Variants in TBC1D5 observed in about 807,000 individuals in gnomAD.
TBC1D5 encodes TBC1 domain family, member 5.
In TBC1D5, 75 loss-of-function variants were observed where a neutral mutation model predicts 100.3. That is an observed-to-expected ratio of 0.75 (90% CI 0.62 to 0.91). The LOEUF is 0.91. Ranked by LOEUF, TBC1D5 falls within the 40% of genes least tolerant of loss-of-function variation. The pLI is 0.00. For synonymous variants in TBC1D5, 323 were observed against 325.6 expected (o/e 0.99, Z 0.09); for missense variants, 910 against 942.4 (o/e 0.97, Z 0.45).
chr3:17,476,902 G>T (rs756767688), intron 3 of TBC1D5, among the ~76,000 whole-genome samples: 67 of 152,022 alleles, frequency 4.4e-4, no homozygotes, highest in Non-Finnish European at 3.1e-4. Context: ...AAGTGCGACT[G>T]ATTTTGCACA....
intron 4 of TBC1D5, among the ~76,000 whole-genome samples, chr3:17,411,784 C>T (rs370888083): frequency 5.3e-4 from 80 of 152,136 alleles, no homozygotes; most frequent in African/African-American, 1.7e-3. Flanking sequence ...ACCTTGATTA[C>T]GGTGTTGGTA....
chr3:17,708,758 A>G (rs1254337115), intron 1 of TBC1D5, among the ~76,000 whole-genome samples: 1 of 152,246 alleles, frequency 6.6e-6, no homozygotes, highest in Non-Finnish European at 1.5e-5. Flanking sequence ...GATACTGTCC[A>G]ACTGTTCTCC....
intron 15 of TBC1D5, among the ~76,000 whole-genome samples, chr3:17,260,476 A>G (rs534992302): frequency 6.6e-6 from 1 of 152,306 alleles, no homozygotes; most frequent in Non-Finnish European, 1.5e-5. Context: ...TATTGCTTTC[A>G]CTGAGGCCTA....
At chr3:17,308,714 A>AT (rs919516539) in intron 13 of TBC1D5, among the ~76,000 whole-genome samples, 4 of 151,858 alleles carry the variant, frequency 2.6e-5, no homozygotes, top group Non-Finnish European at 5.9e-5. Flanking sequence ...AGTCATACTT[A>AT]TTTTTTTTAG....
intron 3 of TBC1D5, among the ~76,000 whole-genome samples, chr3:17,455,322 A>G (rs569625212): frequency 3.5e-5 from 5 of 143,816 alleles, no homozygotes; most frequent in African/African-American, 5.3e-5. Flanking sequence ...ATATGTGTAT[A>G]TGTGTATATA....
chr3:17,258,637 C>A, intron 15 of TBC1D5, 46 bp from the exon 16 acceptor site: 1 of 1,489,710 alleles, frequency 6.7e-7, no homozygotes, highest in Non-Finnish European at 9.3e-7. Context: ...TGATTTAATC[C>A]ATTAACATAT....
At chr3:17,672,621 G>A (rs958316584) in intron 1 of TBC1D5, 2 of 152,142 alleles carry the variant, frequency 1.3e-5, no homozygotes, top group African/African-American at 4.8e-5. Context: ...GAGGTTGGGA[G>A]GAGTCAGAGG....
intron 1 of TBC1D5, among the ~76,000 whole-genome samples, chr3:17,717,338 C>T (rs2075325973): frequency 6.6e-6 from 1 of 151,512 alleles, no homozygotes; most frequent in Non-Finnish European, 1.5e-5. Flanking sequence ...TACTATCAAA[C>T]TTTCACACAT....
chr3:17,682,747 T>A (rs1027531952), intron 1 of TBC1D5, among the ~76,000 whole-genome samples: 2 of 151,558 alleles, frequency 1.3e-5, no homozygotes, highest in African/African-American at 4.9e-5. Flanking sequence ...ACCTAGTTAT[T>A]AAAATATTTC....
chr3:17,304,230 A>AT (rs2083166089), intron 14 of TBC1D5, among the ~76,000 whole-genome samples: 1 of 151,840 alleles, frequency 6.6e-6, no homozygotes, highest in African/African-American at 2.4e-5. Flanking sequence ...CTCAAAAAAT[A>AT]TTTTTCTGGA....
intron 1 of TBC1D5, among the ~76,000 whole-genome samples, chr3:17,676,589 T>C (rs1039323836): frequency 2.6e-5 from 4 of 152,166 alleles, no homozygotes; most frequent in African/African-American, 4.8e-5. Context: ...AGGTAATTTA[T>C]AGATTCAATG....
At chr3:17,678,666 T>TAAAAAAAAAAAAAAAAAAAAAAAGAAAA (rs150614567) in intron 1 of TBC1D5, among the ~76,000 whole-genome samples, 1 of 109,100 alleles carries the variant, frequency 9.2e-6, no homozygotes, top group African/African-American at 4.2e-5. Flanking sequence ...AAAAGAGGGA[T>TAAAAAAAAAAAAAAAAAAAAAAAGAAAA]AAAAAAAAAA....
chr3:17,596,700 C>CAAAAAAAAAAAAA (rs34625799), intron 2 of TBC1D5, among the ~76,000 whole-genome samples: 17 of 44,926 alleles, frequency 3.8e-4, no homozygotes, highest in Non-Finnish European at 5.7e-4. Flanking sequence ...GACTCCATCT[C>CAAAAAAAAAAAAA]AAAAAAAAAA....
rs183110960 is a variant in TBC1D5 at position 17,355,639 on chromosome 3, A to C, written c.995+16436T>G. Among the ~76,000 whole-genome samples, 523 of 127,686 alleles carry C rather than the reference A, an allele frequency of 4.1e-3. 3 individuals are homozygous for C. The highest frequency in any genetic ancestry group is 0.014 in the African/African-American group (495 of 34,770). 83.8% of individuals were successfully genotyped at this position (127,686 alleles called of 152,430 possible). The stretch of plus-strand genomic sequence containing the variant: ...AAAATATATAGAATGTGTGACAAGA[A>C]AGTAATAAATTTTTTTAAATATACC... On this transcript the variant is annotated intron_variant, in intron 13 of 21. Coordinates refer to ENST00000253692, the Ensembl canonical transcript of TBC1D5.
At chr3:17,623,518 G>T (rs188607724) in intron 2 of TBC1D5, among the ~76,000 whole-genome samples, 2 of 152,314 alleles carry the variant, frequency 1.3e-5, no homozygotes, top group East Asian at 3.8e-4. Context: ...GTTTCCTGCA[G>T]AGTGCCATAA....
chr3:17,661,916 G>A (rs1262640693), intron 1 of TBC1D5, among the ~76,000 whole-genome samples: 1 of 151,576 alleles, frequency 6.6e-6, no homozygotes, highest in Non-Finnish European at 1.5e-5. Flanking sequence ...TTTAAGACAG[G>A]GTCTTACTCT....
At chr3:17,364,641 G>A (rs763451670) in intron 13 of TBC1D5, among the ~76,000 whole-genome samples, 16 of 152,134 alleles carry the variant, frequency 1.1e-4, no homozygotes, top group Admixed American at 2.0e-4. Flanking sequence ...TGTCTATAAA[G>A]CCAGTCAATA....
intron 2 of TBC1D5, among the ~76,000 whole-genome samples, chr3:17,595,419 C>T (rs539374848): frequency 1.3e-5 from 2 of 152,176 alleles, no homozygotes; most frequent in Admixed American, 6.5e-5. Flanking sequence ...CATACCACAA[C>T]AAAAAAGCAT....
intron 19 of TBC1D5, among the ~76,000 whole-genome samples, chr3:17,178,920 T>C (rs1161028689): frequency 1.3e-5 from 2 of 152,126 alleles, no homozygotes; most frequent in Admixed American, 1.3e-4. Context: ...GCCAGGATTA[T>C]AGGCATGGCC....
Sources: allele counts gnomAD v4.1 joint callset (sites outside exome capture counted in the v4.1 genomes callset), GRCh38; gene constraint gnomAD v4.1.1; transcripts MANE v1.5; gene names NCBI Gene and HGNC (gene_info 2026-07-23, HGNC 2026-07-21).